Variants in SNX31 observed in about 807,000 individuals in gnomAD.
SNX31 encodes sorting nexin-31.
Under a neutral mutation model 65.4 loss-of-function variants are expected in SNX31, and 58 were observed. That is an observed-to-expected ratio of 0.89 (90% CI 0.72 to 1.10). SNX31 has a LOEUF of 1.10. Among genes scored for constraint, SNX31 ranks in the 50% least tolerant of loss-of-function variants. The pLI, the probability that SNX31 is intolerant of heterozygous loss-of-function variation, is 0.00. For missense variants in SNX31, 523 were observed against 529.7 expected, an observed-to-expected ratio of 0.99 and a Z score of 0.12; for synonymous variants, 181 against 190.1, an observed-to-expected ratio of 0.95 and a Z score of 0.39.
intron 10 of SNX31, among the ~76,000 whole-genome samples, chr8:100,593,375 C>G (rs1244533406): frequency 6.6e-6 from 1 of 152,140 alleles, no homozygotes; most frequent in Non-Finnish European, 1.5e-5. Flanking sequence ...CAAATGGGTA[C>G]TGGAGCAACT....
intron 1 of SNX31, chr8:100,657,962 CTG>C (rs761599378): frequency 2.8e-6 from 1 of 360,418 alleles, no homozygotes; most frequent in South Asian, 2.1e-5. Flanking sequence ...TTTGTTACCA[CTG>C]TGAAAAATCA....
intron 4 of SNX31, chr8:100,618,815 C>T (rs764124256): frequency 1.7e-4 from 29 of 167,180 alleles, no homozygotes; most frequent in Admixed American, 3.5e-4. Context: ...CTCCCAGCAC[C>T]GCCACTTGCT....
chr8:100,635,975 G>A lies in SNX31; in HGVS notation c.178C>T (p.Pro60Ser). 1 of 1,614,142 alleles carries A rather than the reference G, an allele frequency of 6.2e-7. No individual in the cohort carries two copies. Among genetic ancestry groups the A allele is most frequent in the Non-Finnish European group, 8.5e-7 (1 of 1,180,006 alleles). ...RVFGNCLPPF[P>S]PKYYLAMTTA... ...GTCATTGCCAGATAGTACTTTGGTG[G>A]GAAGGGTGGCAGGCAATTTCCAAAG... The change falls in exon 3 of 14, where the codon CCA (proline) becomes TCA (serine). Residue 60 changes from proline to serine, a missense_variant. By Grantham distance (74) the Pro-to-Ser change is moderately conservative (BLOSUM62 -1). Transcript: ENST00000311812.
chr8:100,635,250 C>G (rs866653087), intron 3 of SNX31, among the ~76,000 whole-genome samples: 68 of 113,230 alleles, frequency 6.0e-4, no homozygotes, highest in African/African-American at 2.4e-3. Flanking sequence ...TTATTTTTAT[C>G]TTTTTTAGAG....
Position 100,609,550 on chromosome 8 carries a change from A to G in SNX31, c.612-987T>C, listed in dbSNP as rs1257729197. On this transcript the variant is annotated intron_variant, in intron 7 of 13. Transcript: ENST00000311812. The surrounding 1 kb of genome is among the most constrained non-coding windows in gnomAD (Gnocchi z 4.9). Reference sequence around the variant, plus strand: ...CTGAAATTAATGACTGTAGAAGCACAGTAGCATGTTAAGAAGGGACTGAAA... The same window carrying G: ...CTGAAATTAATGACTGTAGAAGCACGGTAGCATGTTAAGAAGGGACTGAAA... 1.3e-5 allele frequency among the ~76,000 whole-genome samples: 2 copies of G among 152,178 alleles called. No homozygotes were observed. The highest frequency in any genetic ancestry group is 1.3e-4 in the Admixed American group (2 of 15,286).
At chr8:100,617,028 A>G in intron 5 of SNX31, among the ~76,000 whole-genome samples, 1 of 152,072 alleles carries the variant, frequency 6.6e-6, no homozygotes, top group South Asian at 2.1e-4. Flanking sequence ...CTGCAGCCCC[A>G]CTCAGCAGAT....
intron 8 of SNX31, among the ~76,000 whole-genome samples, chr8:100,603,148 T>C (rs978658542): frequency 1.3e-5 from 2 of 152,176 alleles, no homozygotes; most frequent in African/African-American, 4.8e-5. Context: ...TTTCTCTGTG[T>C]CCCCAATTCT....
intron 2 of SNX31, among the ~76,000 whole-genome samples, chr8:100,638,499 C>CCT (rs1818931984): frequency 1.3e-5 from 2 of 152,158 alleles, no homozygotes; most frequent in African/African-American, 4.8e-5. Flanking sequence ...TTATTAACTG[C>CCT]CTGCCCGTGG....
intron 8 of SNX31, among the ~76,000 whole-genome samples, chr8:100,601,508 C>A (rs1815622632): frequency 6.6e-6 from 1 of 152,030 alleles, no homozygotes; most frequent in Non-Finnish European, 1.5e-5. Flanking sequence ...AATAAATATA[C>A]CCAAAGAGTT....
At chr8:100,618,854 T>G in intron 4 of SNX31, 1 of 162,066 alleles carries the variant, frequency 6.2e-6, no homozygotes, top group Non-Finnish European at 1.3e-5. Flanking sequence ...TCAAACCCCA[T>G]TGCTTAGGGG....
chr8:100,656,037 G>A (rs1310423629), intron 1 of SNX31, among the ~76,000 whole-genome samples: 1 of 152,108 alleles, frequency 6.6e-6, no homozygotes, highest in Non-Finnish European at 1.5e-5. Flanking sequence ...AATCTCTCTT[G>A]GATGTTCACA....
intron 10 of SNX31, among the ~76,000 whole-genome samples, chr8:100,592,429 C>T (rs551365893): frequency 2.6e-5 from 4 of 152,110 alleles, no homozygotes; most frequent in East Asian, 1.9e-4. Context: ...AATGGGATAC[C>T]GTGTCACATC....
chr8:100,654,167 C>G (rs1389060475), upstream of SNX31, among the ~76,000 whole-genome samples: 1 of 151,944 alleles, frequency 6.6e-6, no homozygotes, highest in Non-Finnish European at 1.5e-5. Context: ...CCATCACACC[C>G]GGCTAATTTT....
At chr8:100,639,800 C>CTT (rs1819031607) in intron 2 of SNX31, among the ~76,000 whole-genome samples, 1 of 151,944 alleles carries the variant, frequency 6.6e-6, no homozygotes, top group Non-Finnish European at 1.5e-5. Context: ...TCAGTGCAAC[C>CTT]AAGGATCTAT....
chr8:100,600,152 A>AT (rs148066712), intron 9 of SNX31, among the ~76,000 whole-genome samples, 197 bp downstream of exon 9: 3,956 of 152,144 alleles, frequency 0.026, 193 homozygotes, highest in African/African-American at 0.091. Flanking sequence ...TACCGTCTGT[A>AT]TTTTTTTTAG....
At chr8:100,596,904 A>G in intron 9 of SNX31, 62 bp from the exon 10 acceptor site, 1 of 1,384,814 alleles carries the variant, frequency 7.2e-7, no homozygotes, top group Non-Finnish European at 1.0e-6. Context: ...ACCACTTGAA[A>G]CAGATGAAAA....
chr8:100,638,822 A>G (rs1253442998), intron 2 of SNX31, among the ~76,000 whole-genome samples: 1 of 152,250 alleles, frequency 6.6e-6, no homozygotes, highest in African/African-American at 2.4e-5. Flanking sequence ...CTGTGAATGG[A>G]TAAGCAAACT....
intron 9 of SNX31, among the ~76,000 whole-genome samples, chr8:100,597,444 G>A (rs1246129716): frequency 6.6e-6 from 1 of 152,172 alleles, no homozygotes; most frequent in Admixed American, 6.5e-5. Flanking sequence ...GTTTCACCAT[G>A]TTGGCCAGGA....
At chr8:100,662,089 T>C (rs1344226166) in intron 1 of SNX31, among the ~76,000 whole-genome samples, 2 of 152,088 alleles carry the variant, frequency 1.3e-5, no homozygotes, top group African/African-American at 4.8e-5. Flanking sequence ...CCTCCCAGAG[T>C]GCTAGGATTA....
Sources: allele counts gnomAD v4.1 joint callset (sites outside exome capture counted in the v4.1 genomes callset), GRCh38; gene constraint gnomAD v4.1.1; non-coding constraint Gnocchi (gnomAD v3.1); transcripts MANE v1.5; gene names NCBI Gene and HGNC (gene_info 2026-07-23, HGNC 2026-07-21).